The following DGKH variants were observed in gnomAD, a reference collection of about 807,000 sequenced individuals.
DGKH encodes the protein diacylglycerol kinase eta.
In DGKH, 90 loss-of-function variants were observed where a neutral mutation model predicts 159.3. The ratio of observed to expected loss-of-function variants is 0.57; its 90% CI spans 0.48 to 0.67. The LOEUF (loss-of-function observed/expected upper bound fraction) is 0.67. Among genes scored for constraint, DGKH ranks in the 30% least tolerant of loss-of-function variants. DGKH has a pLI of 0.00. For synonymous variants in DGKH, 536 were observed against 553.8 expected (o/e 0.97, Z 0.45); for missense variants, 1,181 against 1,506.1 (o/e 0.78, Z 3.57).
rs1958531548 is a variant in DGKH at position 42,242,411 on chromosome 13, G to A, written c.*13223G>A. On this transcript the variant is annotated 3_prime_UTR_variant, in exon 30 of 30. Coordinates refer to ENST00000337343, the MANE Select transcript of DGKH (RefSeq NM_178009.5). ...GGCTCTGTTTGCTGCAGAAAAGAGT[G>A]AAACTTTTAACTGCTTAGCACACTT... is the stretch of plus-strand genomic sequence containing the variant. The A allele has an allele frequency of 6.6e-6, 1 of 152,194 alleles. No homozygotes were observed. Among genetic ancestry groups the A allele is most frequent in the African/African-American group, 2.4e-5 (1 of 41,462 alleles). The allele number at this position is 152,194 out of a possible 1,614,324, so 9.4% of individuals were successfully genotyped here. A position where few individuals can be genotyped will look rare whatever the true frequency, so the allele number is the denominator to read the frequency against.
intron 17 of DGKH, among the ~76,000 whole-genome samples, chr13:42,197,266 AAAAAG>A (rs1252669157): frequency 2.1e-5 from 3 of 145,928 alleles, no homozygotes; most frequent in Non-Finnish European, 3.0e-5. Flanking sequence ...AAAAAAAAAA[AAAAAG>A]AAAGAAAATA....
chr13:42,114,729 T>C (rs893334012), intron 1 of DGKH, among the ~76,000 whole-genome samples: 3 of 152,192 alleles, frequency 2.0e-5, no homozygotes. Flanking sequence ...AATTTCATGA[T>C]TGATTTTTGC....
intron 1 of DGKH, among the ~76,000 whole-genome samples, chr13:42,097,526 C>T (rs1954565473): frequency 6.6e-6 from 1 of 152,186 alleles, no homozygotes. Flanking sequence ...CCAAATAAGA[C>T]TCATCCAGTG....
At chr13:42,206,469 T>G (rs1368340810) in intron 21 of DGKH, among the ~76,000 whole-genome samples, 1 of 152,198 alleles carries the variant, frequency 6.6e-6, no homozygotes, top group Non-Finnish European at 1.5e-5. Context: ...CTTTTTAATT[T>G]TATACCTGCA....
rs55668821 is a variant in DGKH at position 42,207,695 on chromosome 13, G to GTATATATA, written c.2602-1250_2602-1243dup. The stretch of plus-strand genomic sequence containing the variant: ...AGAGAGGGCACAATTATTAAAGTGT[G>GTATATATA]TATATATATATATATATATATCAGT... On this transcript the variant is annotated intron_variant, in intron 21 of 29. Transcript: ENST00000337343. Among the ~76,000 whole-genome samples, 33 of 140,278 alleles carry GTATATATA rather than the reference G, an allele frequency of 2.4e-4. 1 individual carries two copies. The East Asian group carries it at 4.5e-3, about 19-fold the overall frequency. The allele number at this position is 140,278 out of a possible 152,430, so 92.0% of individuals were successfully genotyped here.
rs1956552511 is a variant in DGKH, at chr13:42,174,550, G to A, written c.1452+406G>A. Among the ~76,000 whole-genome samples the A allele has an allele frequency of 2.0e-5, 3 of 152,282 alleles. No individual in the cohort carries two copies. In the South Asian group the frequency reaches 6.2e-4, roughly 32 times the overall value. The stretch of plus-strand genomic sequence containing the variant: ...CAGAGCTCTAGGAAGGTCAGCTGGT[G>A]TTTCCTGTTAGTGTTTATTCATCTT... On this transcript the variant is annotated intron_variant, in intron 12 of 29. Transcript: ENST00000337343.
intron 3 of DGKH, among the ~76,000 whole-genome samples, chr13:42,146,994 G>C (rs1329222109): frequency 6.6e-6 from 1 of 152,162 alleles, no homozygotes; most frequent in Non-Finnish European, 1.5e-5. Flanking sequence ...CTTAGACACT[G>C]TCAGGATGTT....
intron 28 of DGKH, 124 bp from the exon 29 acceptor site, chr13:42,221,140 C>A (rs1957960198): frequency 3.1e-6 from 4 of 1,299,176 alleles, no homozygotes. Context: ...GAAACAACAC[C>A]TTTAACCTTT....
rs529983467 is a variant in DGKH at position 42,125,520 on chromosome 13, T to C, written c.193-1943T>C. ...TTTGTCCAGGTTCATACTGTTATTGTATGCTGGAGCCTGGCTTGAAATCTG... is the reference window on the plus strand; with the variant it reads ...TTTGTCCAGGTTCATACTGTTATTGCATGCTGGAGCCTGGCTTGAAATCTG... On this transcript the variant is annotated intron_variant, in intron 1 of 29. Transcript: ENST00000337343. Among the ~76,000 whole-genome samples the C allele has an allele frequency of 7.9e-5, 12 of 152,308 alleles. 1 individual carries two copies. The highest frequency in any genetic ancestry group is 2.9e-4 in the African/African-American group (12 of 41,578).
intron 3 of DGKH, among the ~76,000 whole-genome samples, chr13:42,148,944 CTTTTTTT>C (rs11287579): frequency 3.7e-5 from 3 of 80,102 alleles, no homozygotes; most frequent in African/African-American, 1.4e-4. Flanking sequence ...CCCGCCCCTT[CTTTTTTT>C]TTTTTTTTTT....
chr13:42,163,206 G>T (rs567270150), intron 7 of DGKH, among the ~76,000 whole-genome samples: 1 of 151,420 alleles, frequency 6.6e-6, no homozygotes, highest in South Asian at 2.1e-4. Context: ...CATTTTTTAT[G>T]GCTGCATAGT....
At chr13:42,055,601 C>T (rs557213748) in intron 1 of DGKH, among the ~76,000 whole-genome samples, 2 of 152,148 alleles carry the variant, frequency 1.3e-5, no homozygotes, top group Non-Finnish European at 2.9e-5. Flanking sequence ...TATGAAACTA[C>T]CAGTATAAAG....
chr13:42,207,890 A>G (rs1372879113), intron 21 of DGKH, among the ~76,000 whole-genome samples: 1 of 152,016 alleles, frequency 6.6e-6, no homozygotes, highest in Non-Finnish European at 1.5e-5. Flanking sequence ...AATTTTCATG[A>G]CATAAATATA....
At chr13:42,203,788 G>A (rs1023089173) in intron 20 of DGKH, among the ~76,000 whole-genome samples, 3 of 152,066 alleles carry the variant, frequency 2.0e-5, no homozygotes, top group African/African-American at 7.2e-5. Flanking sequence ...AGCTGTGATG[G>A]CACCACTACA....
At chr13:42,178,025 A>T in intron 12 of DGKH, 110 bp from the exon 13 acceptor site, 1 of 588,604 alleles carries the variant, frequency 1.7e-6, no homozygotes, top group Non-Finnish European at 2.7e-6. Flanking sequence ...CATTATAGTG[A>T]TTGCCTTGCC....
At chr13:42,086,706 C>T (rs150664586) in intron 1 of DGKH, among the ~76,000 whole-genome samples, 5 of 152,216 alleles carry the variant, frequency 3.3e-5, no homozygotes, top group Admixed American at 3.3e-4. Flanking sequence ...AGACCACAGG[C>T]AGGACATGAC....
Position 42,102,954 on chromosome 13 carries a change from G to A in DGKH, c.193-24509G>A, listed in dbSNP as rs577820591. 3.9e-5 allele frequency among the ~76,000 whole-genome samples: 6 copies of A among 152,308 alleles called. No individual in the cohort carries two copies. The South Asian group carries it at 1.2e-3, about 32-fold the overall frequency. The stretch of plus-strand genomic sequence containing the variant: ...TGATTTGGTGTTTGATGAGAGTACA[G>A]AATGTTTAGAAAAGCTCTGAGAGAT... On this transcript the variant is annotated intron_variant, in intron 1 of 29. Transcript: ENST00000337343.
chr13:42,199,133 T>C (rs780199036), intron 18 of DGKH, among the ~76,000 whole-genome samples: 2 of 152,208 alleles, frequency 1.3e-5, no homozygotes, highest in African/African-American at 2.4e-5. Flanking sequence ...AAGAATGGAT[T>C]GGATCTAGTA....
At position 42,165,338 on chromosome 13, in the gene DGKH, C is replaced by G. The variant is rs749837381; in HGVS notation, c.863C>G (p.Thr288Ser). The G allele has an allele frequency of 6.4e-7, 1 of 1,554,800 alleles. No homozygotes were observed. The highest frequency in any genetic ancestry group is 1.2e-5 in the South Asian group (1 of 80,912). Reference sequence around the variant, plus strand: ...ATATTTGTTTGTCATTAGGTACACACTGCCTGCAAAGATTTATACCATCCA... The same window carrying G: ...ATATTTGTTTGTCATTAGGTACACAGTGCCTGCAAAGATTTATACCATCCA... ...KCLWCKTMVH[T>S]ACKDLYHPIC... Residue 288 changes from threonine to serine, a missense_variant, in exon 8 of 30, where the codon ACT becomes AGT. Coordinates refer to ENST00000337343, the MANE Select transcript of DGKH (RefSeq NM_178009.5).
Sources: allele counts gnomAD v4.1 joint callset (sites outside exome capture counted in the v4.1 genomes callset), GRCh38; gene constraint gnomAD v4.1.1; transcripts MANE v1.5; gene names NCBI Gene and HGNC (gene_info 2026-07-23, HGNC 2026-07-21).